Variants in BCL11B observed in about 807,000 individuals in gnomAD.
BCL11B encodes the protein B-cell lymphoma/leukemia 11B.
In BCL11B, 8 loss-of-function variants were observed where a neutral mutation model predicts 49.9. The ratio of observed to expected loss-of-function variants is 0.16; its 90% CI spans 0.09 to 0.29. The LOEUF (loss-of-function observed/expected upper bound fraction) is 0.29. BCL11B is among the 10% of genes least tolerant of loss of function. BCL11B has a pLI of 1.00. For missense variants in BCL11B, 1,006 were observed against 1,351.0 expected (o/e 0.74, Z 4.00); for synonymous variants, 739 against 637.4 (o/e 1.16, Z -2.40).
At chr14:99,222,865 CT>C in intron 3 of BCL11B, among the ~76,000 whole-genome samples, 1 of 151,968 alleles carries the variant, frequency 6.6e-6, no homozygotes, top group East Asian at 1.9e-4. Context: ...TTCTTTCCTT[CT>C]TTCCTTCCTT....
At chr14:99,270,922 C>T (rs1363746543) in intron 1 of BCL11B, among the ~76,000 whole-genome samples, 1 of 151,488 alleles carries the variant, frequency 6.6e-6, no homozygotes, top group Non-Finnish European at 1.5e-5. Flanking sequence ...GAGCCGGCTC[C>T]GCAGGCCCCC....
At chr14:99,197,554 A>T (rs1249519910) in intron 3 of BCL11B, among the ~76,000 whole-genome samples, 1 of 152,102 alleles carries the variant, frequency 6.6e-6, no homozygotes, top group Non-Finnish European at 1.5e-5. Flanking sequence ...GAGGGTGGTG[A>T]GGGGTGCTCC....
At position 99,271,300 on chromosome 14, in the gene BCL11B, G is replaced by C; in HGVS notation, c.-82C>G. 1.2e-6 allele frequency: 1 copy of C among 818,286 alleles called. No individual in the cohort carries two copies. Among genetic ancestry groups the C allele is most frequent in the Non-Finnish European group, 1.6e-6 (1 of 618,954 alleles). 50.7% of individuals were successfully genotyped at this position (818,286 alleles called of 1,614,324 possible). A position where few individuals can be genotyped will look rare whatever the true frequency, so the allele number is the denominator to read the frequency against. ...GGGAGGGGGTCCGAGCCGCCGCCGC[G>C]CCGCTGCCGCCGCTGCCGCCGCCGC... On this transcript the variant is annotated 5_prime_UTR_variant, in exon 1 of 4. Coordinates refer to ENST00000357195, the MANE Select transcript of BCL11B (RefSeq NM_138576.4).
chr14:99,223,883 A>G (rs1245720564), intron 3 of BCL11B, among the ~76,000 whole-genome samples: 1 of 152,216 alleles, frequency 6.6e-6, no homozygotes, highest in Non-Finnish European at 1.5e-5. Flanking sequence ...CACCATGGCA[A>G]TAAGTGAGGG....
Position 99,257,452 on chromosome 14 carries a change from C to T in BCL11B, c.427+19G>A. Reference sequence around the variant, plus strand: ...GGAGGTGGCTTCCACAGCAACCAGGCAAGCGCAGCATCCCATACCTGCAAT... The same window carrying T: ...GGAGGTGGCTTCCACAGCAACCAGGTAAGCGCAGCATCCCATACCTGCAAT... On this transcript the variant is annotated intron_variant, in intron 2 of 3. Coordinates refer to ENST00000357195, the MANE Select transcript of BCL11B (RefSeq NM_138576.4). This position sits in a 1 kb window ranked among gnomAD's most constrained non-coding sequence, Gnocchi z 6.2. The T allele has an allele frequency of 6.4e-7, 1 of 1,565,950 alleles. No homozygotes were observed.
chr14:99,234,443 C>T (rs939146402), intron 2 of BCL11B, among the ~76,000 whole-genome samples: 1 of 152,138 alleles, frequency 6.6e-6, no homozygotes, highest in African/African-American at 2.4e-5. Context: ...ACTTAAGGAG[C>T]GCTTGAGATG....
At chr14:99,234,811 T>C (rs1408715252) in intron 2 of BCL11B, among the ~76,000 whole-genome samples, 1 of 124,394 alleles carries the variant, frequency 8.0e-6, no homozygotes, top group African/African-American at 3.2e-5. Context: ...TGCAAAGACC[T>C]GCAAGACACT....
At chr14:99,227,817 G>C (rs1888201072) in intron 3 of BCL11B, among the ~76,000 whole-genome samples, 2 of 152,212 alleles carry the variant, frequency 1.3e-5, no homozygotes, top group South Asian at 4.2e-4. Context: ...AATCCTCTAT[G>C]TGAAATTTCT....
chr14:99,249,547 GA>G (rs1888940219), intron 2 of BCL11B, among the ~76,000 whole-genome samples: 1 of 152,210 alleles, frequency 6.6e-6, no homozygotes, highest in Non-Finnish European at 1.5e-5. Flanking sequence ...AAAATGAAAG[GA>G]ATACCTGATT....
chr14:99,270,808 G>GCGC (rs1009299481), intron 1 of BCL11B, among the ~76,000 whole-genome samples: 3 of 97,824 alleles, frequency 3.1e-5, no homozygotes, highest in African/African-American at 1.2e-4. Flanking sequence ...CCCGCCACCA[G>GCGC]CGCCGCCGCC....
intron 3 of BCL11B, among the ~76,000 whole-genome samples, chr14:99,208,808 G>A (rs770207400): frequency 6.6e-6 from 1 of 152,196 alleles, no homozygotes; most frequent in East Asian, 1.9e-4. Context: ...CCCAGCAGAC[G>A]TGAGGCCCCT....
chr14:99,217,327 C>T (rs145689518), intron 3 of BCL11B, among the ~76,000 whole-genome samples: 5 of 151,998 alleles, frequency 3.3e-5, no homozygotes, highest in East Asian at 1.9e-4. Flanking sequence ...CACGTGTACA[C>T]GCATGCACAT....
In BCL11B at chr14:99,169,356, AGC is replaced by A; in HGVS notation, c.*4793_*4794del. On this transcript the variant is annotated 3_prime_UTR_variant, in exon 4 of 4. Coordinates refer to ENST00000357195, the MANE Select transcript of BCL11B (RefSeq NM_138576.4). ...ACCAGAACAAACTTGGTTTTGAACA[AGC>A]GTACAAATGAAATGGCAGACACATG... is the stretch of plus-strand genomic sequence containing the variant. 1 of 193,882 alleles carries A rather than the reference AGC, an allele frequency of 5.2e-6. No homozygotes were observed. The highest frequency in any genetic ancestry group is 1.1e-5 in the Non-Finnish European group (1 of 92,728). The allele number at this position is 193,882 out of a possible 1,614,324, so 12.0% of individuals were successfully genotyped here. A position where few individuals can be genotyped will look rare whatever the true frequency, so the allele number is the denominator to read the frequency against.
Position 99,262,914 on chromosome 14 carries a change from T to C in BCL11B, c.59-5075A>G, listed in dbSNP as rs1889378938. On this transcript the variant is annotated intron_variant, in intron 1 of 3. Transcript: ENST00000357195. The surrounding 1 kb of genome is among the most constrained non-coding windows in gnomAD (Gnocchi z 4.2). ...AGGAATCAATTCTTGGTGGAGAAAA[T>C]AATCTATGACTAGATGACGCTTAAA... The C allele has an allele frequency of 6.6e-6, 1 of 151,812 alleles. No homozygotes were observed. Among genetic ancestry groups the C allele is most frequent in the African/African-American group, 2.4e-5 (1 of 41,248 alleles). The allele number at this position is 151,812 out of a possible 1,614,324, so 9.4% of individuals were successfully genotyped here.
intron 3 of BCL11B, among the ~76,000 whole-genome samples, chr14:99,216,850 TACAC>T (rs754518471): frequency 6.6e-6 from 1 of 151,788 alleles, no homozygotes; most frequent in Non-Finnish European, 1.5e-5. Flanking sequence ...AAAACACTCA[TACAC>T]ACACACACGC....
Position 99,175,270 on chromosome 14 carries a change from G to T in BCL11B, c.1566C>A (p.Ser522Arg), listed in dbSNP as rs1433770461. Residue 522 changes from serine (S) to arginine (R), a missense_variant, in exon 4 of 4, where the codon AGC (serine) becomes AGA (arginine). Around this residue, in one of 6 missense-constraint regions of BCL11B, gnomAD observed 443 missense variants for 499.7 expected, o/e 0.89. Transcript: ENST00000357195. ...AADGDFRHHE[S>R]DPSLGHEPEE... ...CCGGCTCGTGGCCCAGCGACGGGTC[G>T]CTCTCGTGGTGGCGGAAGTCACCGT... 1 of 1,541,164 alleles carries T rather than the reference G, an allele frequency of 6.5e-7. No homozygotes were observed. The highest frequency in any genetic ancestry group is 1.9e-5 in the Admixed American group (1 of 51,456).
At position 99,231,527 on chromosome 14, in the gene BCL11B, A is replaced by G; in HGVS notation, c.458T>C (p.Val153Ala). The change falls in exon 3 of 4, where the codon GTG becomes GCG. Residue 153 changes from valine (V) to alanine (A), a missense_variant. Coordinates refer to ENST00000357195, the MANE Select transcript of BCL11B (RefSeq NM_138576.4). This position sits in a 1 kb window ranked among gnomAD's most constrained non-coding sequence, Gnocchi z 8.1. ...GTGGGAGGAGGCAGCTATGGGGGCC[A>G]CCGCTGGCAGCTGGGCAGGCCTGCA... is the stretch of plus-strand genomic sequence containing the variant. ...GPCRPAQLPA[V>A]APIAASSHPH... is the part of the protein sequence containing the mutation. The G allele has an allele frequency of 1.3e-6, 2 of 1,592,110 alleles. No individual in the cohort carries two copies. The highest frequency in any genetic ancestry group is 1.1e-5 in the South Asian group (1 of 87,946).
chr14:99,262,313 G>A lies in BCL11B; in HGVS notation c.59-4474C>T, dbSNP rs1390602174. On this transcript the variant is annotated intron_variant, in intron 1 of 3. Coordinates refer to ENST00000357195, the MANE Select transcript of BCL11B (RefSeq NM_138576.4). The surrounding 1 kb of genome is among the most constrained non-coding windows in gnomAD (Gnocchi z 4.2). ...TGCTGCCTGCTGTCCCCAGAGCACA[G>A]GCATGTGCGTGGCTGCCTGCACACA... 6.6e-6 allele frequency among the ~76,000 whole-genome samples: 1 copy of A among 152,216 alleles called. No individual in the cohort carries two copies. Among genetic ancestry groups the A allele is most frequent in the Non-Finnish European group, 1.5e-5 (1 of 68,042 alleles).
At chr14:99,186,281 G>A in intron 3 of BCL11B, among the ~76,000 whole-genome samples, 1 of 152,224 alleles carries the variant, frequency 6.6e-6, no homozygotes, top group African/African-American at 2.4e-5. Flanking sequence ...AGCACTTTGG[G>A]AGGCCAAGGC....
Sources: gnomAD v4.1 joint callset for allele counts (sites outside exome capture counted in the v4.1 genomes callset) on GRCh38, gnomAD v4.1.1 for gene constraint, gnomAD v4.1.1 regional missense constraint, Gnocchi (gnomAD v3.1) non-coding constraint, MANE v1.5 for transcripts, NCBI Gene and HGNC (gene_info 2026-07-23, HGNC 2026-07-21) for gene names.